Variants in SLC4A10 observed in about 807,000 individuals in gnomAD.
The protein encoded by SLC4A10 is solute carrier family 4 member 10, also known as sodium-driven chloride bicarbonate exchanger.
In SLC4A10, 42 loss-of-function variants were observed where a neutral mutation model predicts 137.7. That is an observed-to-expected ratio of 0.30 (90% confidence interval 0.24 to 0.39). The LOEUF (loss-of-function observed/expected upper bound fraction) is 0.39. Ranked by LOEUF, SLC4A10 falls within the 10% of genes least tolerant of loss-of-function variation. The pLI is 1.00. For missense variants in SLC4A10, 925 were observed against 1,355.0 expected, an observed-to-expected ratio of 0.68 and a Z score of 4.98; for synonymous variants, 474 against 464.1, an observed-to-expected ratio of 1.02 and a Z score of -0.27.
At chr2:161,821,774 GA>G in intron 3 of SLC4A10, among the ~76,000 whole-genome samples, 1 of 152,176 alleles carries the variant, frequency 6.6e-6, no homozygotes, top group South Asian at 2.1e-4. Flanking sequence ...TTACTGTATT[GA>G]AACATAATCT....
intron 1 of SLC4A10, among the ~76,000 whole-genome samples, chr2:161,766,255 T>G (rs2050782851): frequency 2.0e-5 from 3 of 152,292 alleles, no homozygotes. Flanking sequence ...CTTATTTAGA[T>G]TCTACTGCTT....
rs116302200 is a variant in SLC4A10, at chr2:161,956,798, C to T, written c.2542-191C>T. On this transcript the variant is annotated intron_variant, in intron 19 of 26. Coordinates refer to ENST00000446997, the MANE Select transcript of SLC4A10 (RefSeq NM_001178015.2). ...CTTAGGCTCCATGATATTATTTTTT[C>T]TAATAGAAGTCACCCAATGAGACAA... Among the ~76,000 whole-genome samples the T allele has an allele frequency of 4.9e-3, 751 of 152,186 alleles. 5 individuals carry two copies. The highest frequency in any genetic ancestry group is 0.01 in the Middle Eastern group (3 of 294).
At chr2:161,678,020 CT>C (rs981689238) in intron 1 of SLC4A10, among the ~76,000 whole-genome samples, 5 of 152,082 alleles carry the variant, frequency 3.3e-5, no homozygotes, top group Admixed American at 6.6e-5. Context: ...GATAAGAGGC[CT>C]TTTTTGCCCA....
At chr2:161,763,719 T>C (rs1483860480) in intron 1 of SLC4A10, among the ~76,000 whole-genome samples, 2 of 152,158 alleles carry the variant, frequency 1.3e-5, no homozygotes, top group African/African-American at 4.8e-5. Context: ...GCATGGTCTC[T>C]TCATGGCTGA....
chr2:161,919,244 C>T (rs1432817958), intron 15 of SLC4A10, among the ~76,000 whole-genome samples: 1 of 152,110 alleles, frequency 6.6e-6, no homozygotes, highest in African/African-American at 2.4e-5. Flanking sequence ...CTGCTGGCAC[C>T]CCTTAGCACG....
intron 1 of SLC4A10, among the ~76,000 whole-genome samples, chr2:161,684,895 AGT>A (rs2041223238): frequency 6.6e-6 from 1 of 152,274 alleles, no homozygotes; most frequent in African/African-American, 2.4e-5. Flanking sequence ...AGAAATAGGC[AGT>A]CATCTTCCTA....
chr2:161,650,692 G>A (rs1286498705), intron 1 of SLC4A10, among the ~76,000 whole-genome samples: 3 of 152,208 alleles, frequency 2.0e-5, no homozygotes, highest in Non-Finnish European at 4.4e-5. Flanking sequence ...CCCAGGTGCG[G>A]TTGCAACCTG....
At chr2:161,977,310 T>G (rs752186173) in intron 25 of SLC4A10, 70 of 452,360 alleles carry the variant, frequency 1.5e-4, no homozygotes, top group Non-Finnish European at 4.4e-5. Flanking sequence ...GTTCTAGTCC[T>G]GACTCCAACC....
intron 1 of SLC4A10, among the ~76,000 whole-genome samples, chr2:161,674,399 T>G (rs547610023): frequency 6.6e-6 from 1 of 152,346 alleles, no homozygotes; most frequent in Non-Finnish European, 1.5e-5. Context: ...TAATAGGCAC[T>G]AAATGACTAA....
Position 161,734,423 on chromosome 2 carries a change from G to A in SLC4A10, c.49-36550G>A, listed in dbSNP as rs1413730806. Among the ~76,000 whole-genome samples, 4 of 152,194 alleles carry A rather than the reference G, an allele frequency of 2.6e-5. No homozygotes were observed. In the East Asian group the frequency reaches 7.7e-4, roughly 29 times the overall value. ...ATCTCTCTCATTTTTTCTTGCCACT[G>A]CCATGTAAGAAGTGCCTTTTACTTC... On this transcript the variant is annotated intron_variant, in intron 1 of 26. Coordinates refer to ENST00000446997, the MANE Select transcript of SLC4A10 (RefSeq NM_001178015.2).
At chr2:161,811,607 T>A (rs2056557641) in intron 3 of SLC4A10, among the ~76,000 whole-genome samples, 1 of 152,082 alleles carries the variant, frequency 6.6e-6, no homozygotes, top group Non-Finnish European at 1.5e-5. Context: ...TTCAACTTTC[T>A]TCGCCTTCTT....
At chr2:161,947,265 G>T (rs1017983692) in intron 16 of SLC4A10, among the ~76,000 whole-genome samples, 2 of 152,098 alleles carry the variant, frequency 1.3e-5, no homozygotes, top group Non-Finnish European at 2.9e-5. Context: ...TATATCTCGT[G>T]TTAGGAACTT....
At chr2:161,711,745 C>G (rs1355082666) in intron 1 of SLC4A10, among the ~76,000 whole-genome samples, 1 of 151,756 alleles carries the variant, frequency 6.6e-6, no homozygotes, top group Non-Finnish European at 1.5e-5. Context: ...TGCAATGGTT[C>G]AGTGTCTGGA....
intron 26 of SLC4A10, among the ~76,000 whole-genome samples, chr2:161,980,869 A>G (rs1021591542): frequency 7.9e-5 from 12 of 152,214 alleles, no homozygotes; most frequent in African/African-American, 2.7e-4. Context: ...TGTTTATTAC[A>G]ATGACAGATA....
intron 3 of SLC4A10, among the ~76,000 whole-genome samples, chr2:161,819,161 T>A (rs2057394343): frequency 6.6e-6 from 1 of 152,174 alleles, no homozygotes; most frequent in African/African-American, 2.4e-5. Context: ...TAGTGTTGCA[T>A]TCAGGTAAAA....
At position 161,759,323 on chromosome 2, in the gene SLC4A10, G is replaced by T. The variant is rs183299387; in HGVS notation, c.49-11650G>T. Among the ~76,000 whole-genome samples the T allele has an allele frequency of 9.1e-4, 138 of 152,078 alleles. 1 individual carries two copies. Among genetic ancestry groups the T allele is most frequent in the Non-Finnish European group, 5.9e-5 (4 of 67,904 alleles). ...TCAGCATACATAGTTACGTGTGTGT[G>T]TTGTGTGTGGTGCGAACACTTAAGA... On this transcript the variant is annotated intron_variant, in intron 1 of 26. Transcript: ENST00000446997.
In SLC4A10 at chr2:161,872,364, A is replaced by T. The variant is rs1239250106; in HGVS notation, c.838A>T (p.Ser280Cys). 6.2e-7 allele frequency: 1 copy of T among 1,613,506 alleles called. No individual in the cohort carries two copies. The highest frequency in any genetic ancestry group is 1.3e-5 in the African/African-American group (1 of 74,928). ...TAAAAATGATGTTAGCAGAGAAAAC[A>T]GCACTGTTGACTTTAGCAAGGTGAG... ...ENKNDVSREN[S>C]TVDFSKGLGG... The change falls in exon 7 of 27, where the codon AGC (serine) becomes TGC (cysteine). Residue 280 changes from serine (S) to cysteine (C), a missense_variant. By Grantham distance (112) the Ser-to-Cys change is moderately radical. This residue lies in a region of SLC4A10 where 277 missense variants were observed against 306.1 expected (regional missense o/e 0.90). Coordinates refer to ENST00000446997, the MANE Select transcript of SLC4A10 (RefSeq NM_001178015.2).
intron 4 of SLC4A10, among the ~76,000 whole-genome samples, chr2:161,851,169 AAAG>A (rs1192822274): frequency 6.6e-6 from 1 of 152,160 alleles, no homozygotes; most frequent in East Asian, 1.9e-4. Flanking sequence ...CTGCAGATGA[AAAG>A]AATGTATATT....
At position 161,841,443 on chromosome 2, in the gene SLC4A10, G is replaced by A. The variant is rs954534965; in HGVS notation, c.416+1516G>A. ...TGTAGGACAGCATTATTATTAGAAA[G>A]ACTTTATCTTAAGCATATTTATTAG... On this transcript the variant is annotated intron_variant, in intron 4 of 26. Coordinates refer to ENST00000446997, the MANE Select transcript of SLC4A10 (RefSeq NM_001178015.2). 3.3e-5 allele frequency among the ~76,000 whole-genome samples: 5 copies of A among 152,126 alleles called. No homozygotes were observed. In the East Asian group the frequency reaches 9.6e-4, roughly 29 times the overall value.
Sources: gnomAD v4.1 joint callset for allele counts (sites outside exome capture counted in the v4.1 genomes callset) on GRCh38, gnomAD v4.1.1 for gene constraint, gnomAD v4.1.1 regional missense constraint, MANE v1.5 for transcripts, NCBI Gene and HGNC (gene_info 2026-07-23, HGNC 2026-07-21) for gene names.